RIT2: variants seen among roughly 807,000 people sequenced by gnomAD.
RIT2 encodes Ras like without CAAX 2, also known as GTP-binding protein Rit2.
RIT2 carries 24 observed loss-of-function variants against 23.7 expected under a neutral mutation model. That is an observed-to-expected ratio of 1.01 (90% CI 0.73 to 1.43). RIT2 has a LOEUF of 1.43. Ranked by LOEUF, RIT2 falls within the 40% of genes most tolerant of loss-of-function variation. The pLI, the probability that RIT2 is intolerant of heterozygous loss-of-function variation, is 0.00. For missense variants in RIT2, 236 were observed against 266.9 expected (o/e 0.88, Z 0.81); for synonymous variants, 107 against 91.1 (o/e 1.17, Z -0.99).
At chr18:43,059,912 G>A (rs2144321067) in intron 1 of RIT2, among the ~76,000 whole-genome samples, 1 of 152,194 alleles carries the variant, frequency 6.6e-6, no homozygotes, top group South Asian at 2.1e-4. Context: ...AGTGGGTCCA[G>A]GATTTAGACA....
intron 2 of RIT2, among the ~76,000 whole-genome samples, chr18:42,987,562 T>G (rs529989985): frequency 1.3e-5 from 2 of 152,220 alleles, no homozygotes; most frequent in Admixed American, 1.3e-4. Context: ...CAGGGATATA[T>G]GTACATGTAG....
intron 2 of RIT2, among the ~76,000 whole-genome samples, chr18:43,022,080 A>G (rs1911611036): frequency 6.6e-6 from 1 of 152,182 alleles, no homozygotes; most frequent in Admixed American, 6.5e-5. Context: ...GGATGAATGA[A>G]TAAAGAAAAC....
At chr18:42,959,549 A>G (rs1910050287) in intron 3 of RIT2, among the ~76,000 whole-genome samples, 1 of 152,184 alleles carries the variant, frequency 6.6e-6, no homozygotes, top group Non-Finnish European at 1.5e-5. Flanking sequence ...TTCAATTTAC[A>G]TGTTAAAAGA....
rs1006480643 is a variant in RIT2 at position 42,810,669 on chromosome 18, T to C, written c.427-66949A>G. Reference sequence around the variant, plus strand: ...CTTGCCTTTCAAAAACCCCTACCTATGACGTTAAATTTCTTTACTCCATAG... The same window carrying C: ...CTTGCCTTTCAAAAACCCCTACCTACGACGTTAAATTTCTTTACTCCATAG... On this transcript the variant is annotated intron_variant, in intron 4 of 4. Transcript: ENST00000326695. 5.3e-5 allele frequency among the ~76,000 whole-genome samples: 8 copies of C among 151,938 alleles called. 1 individual carries two copies. The highest frequency in any genetic ancestry group is 2.6e-4 in the Admixed American group (4 of 15,252).
At chr18:42,963,916 G>A (rs1168731493) in intron 3 of RIT2, among the ~76,000 whole-genome samples, 1 of 151,178 alleles carries the variant, frequency 6.6e-6, no homozygotes, top group Non-Finnish European at 1.5e-5. Context: ...AACAGGCTGG[G>A]CATGATGACT....
chr18:42,915,191 A>C (rs965511587), intron 4 of RIT2, among the ~76,000 whole-genome samples: 2 of 147,498 alleles, frequency 1.4e-5, no homozygotes, highest in African/African-American at 4.9e-5. Flanking sequence ...CACACCATGC[A>C]CTTGATTATC....
intron 4 of RIT2, among the ~76,000 whole-genome samples, chr18:42,910,030 T>C (rs935645319): frequency 6.6e-6 from 1 of 152,120 alleles, no homozygotes; most frequent in African/African-American, 2.4e-5. Context: ...TTTTTATACT[T>C]AACTTGAAAT....
At chr18:43,030,941 A>G (rs1911839740) in intron 2 of RIT2, among the ~76,000 whole-genome samples, 1 of 152,060 alleles carries the variant, frequency 6.6e-6, no homozygotes, top group African/African-American at 2.4e-5. Flanking sequence ...GCTGTCAGTA[A>G]TATTCATCTT....
intron 4 of RIT2, among the ~76,000 whole-genome samples, chr18:42,889,124 A>G (rs1380152057): frequency 6.6e-6 from 1 of 151,686 alleles, no homozygotes; most frequent in Non-Finnish European, 1.5e-5. Context: ...ATTTTAGTAT[A>G]ATGGACAATA....
intron 4 of RIT2, among the ~76,000 whole-genome samples, chr18:42,890,966 T>C (rs1011844811): frequency 1.3e-5 from 2 of 152,194 alleles, no homozygotes; most frequent in African/African-American, 4.8e-5. Flanking sequence ...TATCAGGGAC[T>C]ATTTAGTTTA....
intron 4 of RIT2, among the ~76,000 whole-genome samples, chr18:42,811,919 A>T (rs1905859657): frequency 1.3e-5 from 2 of 152,294 alleles, no homozygotes; most frequent in South Asian, 4.1e-4. Flanking sequence ...TAAATAAAGT[A>T]AATATGAGCT....
intron 2 of RIT2, among the ~76,000 whole-genome samples, chr18:43,015,079 G>T (rs1213129116): frequency 6.6e-6 from 1 of 151,740 alleles, no homozygotes; most frequent in Non-Finnish European, 1.5e-5. Flanking sequence ...AAAGAACATG[G>T]TTGTGGGTAG....
At chr18:43,082,147 A>T (rs1401325818) in intron 1 of RIT2, among the ~76,000 whole-genome samples, 1 of 152,080 alleles carries the variant, frequency 6.6e-6, no homozygotes, top group Non-Finnish European at 1.5e-5. Flanking sequence ...CCAGGAATTT[A>T]TCCATTTCTT....
At chr18:42,855,967 A>G (rs529440465) in intron 4 of RIT2, among the ~76,000 whole-genome samples, 4 of 152,256 alleles carry the variant, frequency 2.6e-5, no homozygotes, top group East Asian at 3.9e-4. Flanking sequence ...GGGGCTCAAA[A>G]AATACCCCAA....
At chr18:42,922,942 T>C (rs1257797481) in intron 4 of RIT2, among the ~76,000 whole-genome samples, 1 of 152,120 alleles carries the variant, frequency 6.6e-6, no homozygotes, top group Non-Finnish European at 1.5e-5. Context: ...TGATCATCTA[T>C]TGCTGCATGA....
chr18:42,951,970 G>A (rs1276591575), intron 3 of RIT2, among the ~76,000 whole-genome samples: 2 of 152,140 alleles, frequency 1.3e-5, no homozygotes, highest in Non-Finnish European at 2.9e-5. Context: ...GTCTTACATA[G>A]TAGCAGGTGA....
chr18:43,007,389 T>C (rs1306907636), intron 2 of RIT2, among the ~76,000 whole-genome samples: 2 of 151,720 alleles, frequency 1.3e-5, no homozygotes, highest in Non-Finnish European at 3.0e-5. Flanking sequence ...TCCAGCTCTG[T>C]TCACTGAAAA....
intron 4 of RIT2, among the ~76,000 whole-genome samples, chr18:42,813,913 G>A (rs1372076880): frequency 6.6e-6 from 1 of 152,190 alleles, no homozygotes; most frequent in Non-Finnish European, 1.5e-5. Flanking sequence ...CTGTGGAAGT[G>A]GGAATGGGAG....
intron 4 of RIT2, among the ~76,000 whole-genome samples, chr18:42,782,087 A>T (rs1470586228): frequency 1.3e-5 from 2 of 152,168 alleles, no homozygotes. Context: ...GAAAATGTAC[A>T]GTTTCTTTGT....
Sources: allele counts gnomAD v4.1 joint callset (sites outside exome capture counted in the v4.1 genomes callset), GRCh38; gene constraint gnomAD v4.1.1; transcripts MANE v1.5; gene names NCBI Gene and HGNC (gene_info 2026-07-23, HGNC 2026-07-21).